The following GLIS3 variants were observed in gnomAD, a reference collection of about 807,000 sequenced individuals.
GLIS3 encodes GLIS family zinc finger 3.
GLIS3 carries 53 observed loss-of-function variants against 78.6 expected under a neutral mutation model. That is an observed-to-expected ratio of 0.67 (90% CI 0.54 to 0.85). The LOEUF (loss-of-function observed/expected upper bound fraction) is 0.85, where lower values mean the gene tolerates loss of function less well. GLIS3 is among the 40% of genes least tolerant of loss of function. The pLI is 0.00. For missense variants in GLIS3, 1,703 were observed against 1,231.1 expected (o/e 1.38, Z -5.74); for synonymous variants, 684 against 509.9 (o/e 1.34, Z -4.60).
chr9:4,238,647 A>C (rs1823004474), intron 2 of GLIS3, among the ~76,000 whole-genome samples: 1 of 152,210 alleles, frequency 6.6e-6, no homozygotes, highest in Non-Finnish European at 1.5e-5. Flanking sequence ...ACCAAAAACA[A>C]AACAAAACAA....
At chr9:3,900,184 G>C (rs1336563790) in intron 6 of GLIS3, among the ~76,000 whole-genome samples, 1 of 124,308 alleles carries the variant, frequency 8.0e-6, no homozygotes, top group Non-Finnish European at 1.7e-5. Flanking sequence ...AACAGAAACT[G>C]TTAAAAAAAA....
intron 2 of GLIS3, among the ~76,000 whole-genome samples, chr9:4,344,992 G>A (rs1162248221): frequency 4.6e-5 from 7 of 152,128 alleles, no homozygotes; most frequent in African/African-American, 1.7e-4. Context: ...TTAGTTACCT[G>A]GCTGGTCTCC....
intron 2 of GLIS3, among the ~76,000 whole-genome samples, chr9:4,197,967 A>T (rs1423476997): frequency 6.6e-6 from 1 of 152,104 alleles, no homozygotes; most frequent in African/African-American, 2.4e-5. Flanking sequence ...AAAAAGAAAG[A>T]ACAAAAATAT....
At chr9:4,190,865 TG>T (rs1818267671) in intron 2 of GLIS3, among the ~76,000 whole-genome samples, 1 of 152,108 alleles carries the variant, frequency 6.6e-6, no homozygotes, top group Admixed American at 6.5e-5. Flanking sequence ...CAGAAGACAG[TG>T]GGGGCCAATA....
the GLIS3 span, among the ~76,000 whole-genome samples, chr9:4,412,032 T>C: frequency 2.6e-5 from 4 of 152,036 alleles, no homozygotes; most frequent in Admixed American, 6.6e-5. Context: ...AATGAGAAGG[T>C]TGTCAAATCC....
In GLIS3 at chr9:4,345,420, T is replaced by C. The variant is rs189465670; in HGVS notation, n.264+1661A>G. Among the ~76,000 whole-genome samples the C allele has an allele frequency of 3.3e-5, 5 of 152,354 alleles. No individual in the cohort carries two copies. The East Asian group carries it at 7.7e-4, about 23-fold the overall frequency. The stretch of plus-strand genomic sequence containing the variant: ...TATGACAATTGACATATATTTTCCA[T>C]ATCTGTTTATTGTCTGGCTCTCCCA... On this transcript the variant is annotated intron_variant and non_coding_transcript_variant, in intron 2 of 4. Coordinates refer to the GLIS3 transcript ENST00000471664.
At chr9:4,123,202 T>C (rs1353458461) in intron 3 of GLIS3, among the ~76,000 whole-genome samples, 2 of 152,136 alleles carry the variant, frequency 1.3e-5, no homozygotes, top group African/African-American at 2.4e-5. Flanking sequence ...CAAATTAAGA[T>C]AAAATAACAT....
chr9:4,364,022 G>A, the GLIS3 span, among the ~76,000 whole-genome samples: 2 of 152,088 alleles, frequency 1.3e-5, no homozygotes, highest in African/African-American at 4.8e-5. Context: ...TTCAACAGTA[G>A]GTAGCATATA....
chr9:4,376,619 G>A, the GLIS3 span, among the ~76,000 whole-genome samples: 1 of 134,730 alleles, frequency 7.4e-6, no homozygotes, highest in African/African-American at 2.6e-5. Flanking sequence ...ATGCCAGTGG[G>A]TACTAATGTA....
At chr9:3,934,214 A>G (rs1376346498) in intron 5 of GLIS3, among the ~76,000 whole-genome samples, 1 of 152,116 alleles carries the variant, frequency 6.6e-6, no homozygotes, top group East Asian at 1.9e-4. Context: ...AGCCTTCCCT[A>G]CCCTGCCCTG....
At chr9:4,217,708 G>C (rs960675131) in intron 2 of GLIS3, among the ~76,000 whole-genome samples, 4 of 152,180 alleles carry the variant, frequency 2.6e-5, no homozygotes, top group African/African-American at 7.2e-5. Context: ...CAGGATTCTA[G>C]AACCTGTGGT....
intron 4 of GLIS3, among the ~76,000 whole-genome samples, chr9:4,068,749 G>A (rs139892889): frequency 4.6e-5 from 7 of 152,014 alleles, no homozygotes; most frequent in East Asian, 3.9e-4. Flanking sequence ...TGAAAACCTC[G>A]AAAAAGAGCA....
intron 2 of GLIS3, among the ~76,000 whole-genome samples, chr9:4,235,964 G>A (rs1478942429): frequency 6.6e-6 from 1 of 152,020 alleles, no homozygotes; most frequent in Non-Finnish European, 1.5e-5. Flanking sequence ...AAATAACTAT[G>A]TAAAAGAGAT....
At chr9:4,202,910 A>C (rs865848421) in intron 2 of GLIS3, among the ~76,000 whole-genome samples, 1 of 152,212 alleles carries the variant, frequency 6.6e-6, no homozygotes, top group Non-Finnish European at 1.5e-5. Context: ...TTGCCATGGG[A>C]AAGAATTTAT....
chr9:4,104,029 T>C (rs144258626), intron 4 of GLIS3, among the ~76,000 whole-genome samples: 5 of 152,260 alleles, frequency 3.3e-5, no homozygotes, highest in African/African-American at 9.6e-5. Context: ...CCCTCAACGA[T>C]GGAATACAGG....
At chr9:3,857,881 G>A (rs781580225) in intron 8 of GLIS3, among the ~76,000 whole-genome samples, 1 of 152,168 alleles carries the variant, frequency 6.6e-6, no homozygotes, top group South Asian at 2.1e-4. Context: ...CTGGGGGAAC[G>A]TGTTTTTAAC....
chr9:4,142,472 T>C (rs1429994466), intron 2 of GLIS3, among the ~76,000 whole-genome samples: 1 of 152,208 alleles, frequency 6.6e-6, no homozygotes, highest in African/African-American at 2.4e-5. Context: ...TTAGAGTGCC[T>C]CCTCATTCAA....
the GLIS3 span, among the ~76,000 whole-genome samples, chr9:4,407,623 G>T: frequency 1.3e-5 from 2 of 152,178 alleles, no homozygotes; most frequent in Admixed American, 6.5e-5. Flanking sequence ...CTCCAGCCTG[G>T]GAGACAGAGC....
intron 4 of GLIS3, chr9:4,054,448 A>C (rs1207683339): frequency 1.0e-5 from 10 of 985,292 alleles, no homozygotes; most frequent in Non-Finnish European, 1.2e-5. Context: ...GAGTCACAGG[A>C]GGATGTGCTC....
Sources: gnomAD v4.1 joint callset for allele counts (sites outside exome capture counted in the v4.1 genomes callset) on GRCh38, gnomAD v4.1.1 for gene constraint, MANE v1.5 for transcripts, NCBI Gene and HGNC (gene_info 2026-07-23, HGNC 2026-07-21) for gene names.